NEIL3: variants seen among roughly 807,000 people sequenced by gnomAD.
NEIL3 encodes endonuclease 8-like 3.
Under a neutral mutation model 57.5 loss-of-function variants are expected in NEIL3, and 48 were observed. The ratio of observed to expected loss-of-function variants is 0.83; its 90% CI spans 0.66 to 1.06. The LOEUF is 1.06. Among genes scored for constraint, NEIL3 ranks in the 50% least tolerant of loss-of-function variants. NEIL3 has a pLI of 0.00. For synonymous variants in NEIL3, 261 were observed against 253.2 expected (o/e 1.03, Z -0.29); for missense variants, 717 against 739.1 (o/e 0.97, Z 0.35).
intron 1 of NEIL3, among the ~76,000 whole-genome samples, chr4:177,315,769 C>G (rs1734562523): frequency 6.6e-6 from 1 of 152,130 alleles, no homozygotes; most frequent in Non-Finnish European, 1.5e-5. Context: ...AAAGATATAT[C>G]CAGGTGCTTG....
At chr4:177,317,082 A>G (rs1435276530) in intron 1 of NEIL3, among the ~76,000 whole-genome samples, 1 of 152,204 alleles carries the variant, frequency 6.6e-6, no homozygotes, top group Admixed American at 6.5e-5. Flanking sequence ...TGATATTTTT[A>G]GGTTAATGTT....
intron 8 of NEIL3, among the ~76,000 whole-genome samples, chr4:177,358,404 T>C (rs917904621): frequency 1.3e-5 from 2 of 152,146 alleles, no homozygotes; most frequent in Middle Eastern, 3.4e-3. Context: ...GCCTCCCGGG[T>C]TCAAGGGATT....
At chr4:177,321,231 C>T (rs1039533794) in intron 1 of NEIL3, among the ~76,000 whole-genome samples, 3 of 152,118 alleles carry the variant, frequency 2.0e-5, no homozygotes, top group Non-Finnish European at 4.4e-5. Flanking sequence ...CTCCCACTGC[C>T]CACCAAGGTT....
intron 8 of NEIL3, among the ~76,000 whole-genome samples, chr4:177,357,657 T>C (rs764477461): frequency 1.3e-5 from 2 of 152,220 alleles, no homozygotes; most frequent in Non-Finnish European, 2.9e-5. Context: ...TCTAATGACA[T>C]GTACATGAGC....
chr4:177,315,782 A>G (rs1734563003), intron 1 of NEIL3, among the ~76,000 whole-genome samples: 1 of 152,200 alleles, frequency 6.6e-6, no homozygotes, highest in Non-Finnish European at 1.5e-5. Flanking sequence ...GGTGCTTGCA[A>G]TGGCCAATTG....
chr4:177,365,841 T>A (rs2110951627), downstream of NEIL3, among the ~76,000 whole-genome samples: 1 of 152,306 alleles, frequency 6.6e-6, no homozygotes. Flanking sequence ...ATCGATGATG[T>A]GAAGTGAGAA....
At chr4:177,349,201 T>A (rs1438381151) in intron 6 of NEIL3, among the ~76,000 whole-genome samples, 3 of 151,952 alleles carry the variant, frequency 2.0e-5, no homozygotes, top group African/African-American at 7.3e-5. Flanking sequence ...ATGAATTTTG[T>A]CTGTATTCAT....
chr4:177,335,645 G>T (rs761404140), intron 2 of NEIL3, 43 bp from the exon 3 acceptor site: 2 of 1,581,930 alleles, frequency 1.3e-6, no homozygotes, highest in African/African-American at 1.4e-5. Flanking sequence ...CTTGATAAAT[G>T]ATATACTTTC....
intron 6 of NEIL3, among the ~76,000 whole-genome samples, chr4:177,342,784 T>G (rs1308820324): frequency 6.6e-6 from 1 of 152,192 alleles, no homozygotes; most frequent in Admixed American, 6.5e-5. Context: ...TTAATAAACA[T>G]GGCATGGTGG....
chr4:177,353,761 A>G, intron 8 of NEIL3, 33 bp downstream of exon 8: 1 of 1,522,666 alleles, frequency 6.6e-7, no homozygotes, highest in Non-Finnish European at 8.9e-7. Flanking sequence ...CTTTAAGATA[A>G]TTGCTTTTTT....
chr4:177,333,365 A>G (rs770930849), intron 2 of NEIL3, among the ~76,000 whole-genome samples: 12 of 152,170 alleles, frequency 7.9e-5, no homozygotes, highest in Non-Finnish European at 1.8e-4. Flanking sequence ...TTCTAATGAG[A>G]GGAATTTTCT....
At chr4:177,322,369 G>T (rs558970488) in intron 1 of NEIL3, 90 bp from the exon 2 acceptor site, 20 of 1,537,094 alleles carry the variant, frequency 1.3e-5, no homozygotes, top group Admixed American at 1.0e-4. Flanking sequence ...TGGGCGTGAA[G>T]TAATATAAAC....
chr4:177,332,458 T>C (rs1734901267), intron 2 of NEIL3, among the ~76,000 whole-genome samples: 1 of 152,114 alleles, frequency 6.6e-6, no homozygotes, highest in African/African-American at 2.4e-5. Flanking sequence ...CAGAGGAAGT[T>C]TCCTGTTCCT....
In NEIL3 at chr4:177,352,784, C is replaced by T. The variant is rs370427468; in HGVS notation, c.1040-524C>T. Among the ~76,000 whole-genome samples the T allele has an allele frequency of 1.9e-4, 29 of 151,200 alleles. No individual in the cohort carries two copies. The South Asian group carries it at 2.5e-3, about 13-fold the overall frequency. On this transcript the variant is annotated intron_variant, in intron 7 of 9. Coordinates refer to ENST00000264596, the MANE Select transcript of NEIL3 (RefSeq NM_018248.3). ...GGCGGAGGTTGCAGTGAGCCGAGAT[C>T]GCGCCACTGCACTCCAGCCTGGGCA... is the stretch of plus-strand genomic sequence containing the variant.
downstream of NEIL3, among the ~76,000 whole-genome samples, chr4:177,365,507 C>G (rs999497305): frequency 1.3e-5 from 2 of 152,138 alleles, no homozygotes; most frequent in African/African-American, 4.8e-5. Flanking sequence ...TAACTCATCA[C>G]CACTACAACC....
chr4:177,319,552 T>A (rs34225334), intron 1 of NEIL3, among the ~76,000 whole-genome samples: 12,819 of 152,100 alleles, frequency 0.084, 583 homozygotes, highest in South Asian at 0.11. Flanking sequence ...GGTGCCCCCA[T>A]CACCTGGGCA....
chr4:177,310,366 T>C (rs1320424353), intron 1 of NEIL3, among the ~76,000 whole-genome samples: 1 of 152,218 alleles, frequency 6.6e-6, no homozygotes, highest in Admixed American at 6.5e-5. Flanking sequence ...GAAGGTGTTT[T>C]ATCCGAGTCA....
At chr4:177,323,683 T>C (rs541509881) in intron 2 of NEIL3, among the ~76,000 whole-genome samples, 8 of 152,328 alleles carry the variant, frequency 5.3e-5, no homozygotes, top group Admixed American at 5.2e-4. Context: ...GGAAAACTCA[T>C]AGCTCTGGAT....
chr4:177,322,010 G>A (rs1489360747), intron 1 of NEIL3, among the ~76,000 whole-genome samples: 1 of 152,158 alleles, frequency 6.6e-6, no homozygotes, highest in Non-Finnish European at 1.5e-5. Context: ...CATCGGTGAA[G>A]TTAAAAATAT....
Sources: gnomAD v4.1 joint callset for allele counts (sites outside exome capture counted in the v4.1 genomes callset) on GRCh38, gnomAD v4.1.1 for gene constraint, MANE v1.5 for transcripts, NCBI Gene and HGNC (gene_info 2026-07-23, HGNC 2026-07-21) for gene names.